PPP2R2B: variants seen among roughly 807,000 people sequenced by gnomAD.
The protein encoded by PPP2R2B is protein phosphatase 2 regulatory subunit Bbeta.
In PPP2R2B, 5 loss-of-function variants were observed where a neutral mutation model predicts 46.0. The ratio of observed to expected loss-of-function variants is 0.11; its 90% CI spans 0.06 to 0.23. The LOEUF is 0.23. PPP2R2B is among the 10% of genes least tolerant of loss of function. The pLI is 1.00. For missense variants in PPP2R2B, 367 were observed against 575.0 expected, an observed-to-expected ratio of 0.64 and a Z score of 3.70; for synonymous variants, 215 against 206.7, an observed-to-expected ratio of 1.04 and a Z score of -0.34.
intron 7 of PPP2R2B, among the ~76,000 whole-genome samples, chr5:146,634,178 T>G (rs1164949919): frequency 6.6e-6 from 1 of 152,062 alleles, no homozygotes; most frequent in African/African-American, 2.4e-5. Context: ...ATCTCATCAG[T>G]TGAAGGCCTG....
intron 1 of PPP2R2B, among the ~76,000 whole-genome samples, chr5:146,990,221 G>C (rs1469240172): frequency 6.6e-6 from 1 of 151,566 alleles, no homozygotes; most frequent in Non-Finnish European, 1.5e-5. Flanking sequence ...CTCATAAATA[G>C]AAAAACAATC....
At chr5:146,677,967 G>C (rs964335844) in intron 5 of PPP2R2B, among the ~76,000 whole-genome samples, 8 of 152,180 alleles carry the variant, frequency 5.3e-5, no homozygotes, top group Admixed American at 4.6e-4. Context: ...TGTTAGGTTA[G>C]ACAGAAGGAA....
chr5:146,649,776 G>A lies in PPP2R2B; in HGVS notation c.625+771C>T, dbSNP rs76034893. Among the ~76,000 whole-genome samples the A allele has an allele frequency of 7.9e-4, 121 of 152,234 alleles. No individual in the cohort carries two copies. The East Asian group carries it at 0.023, about 29-fold the overall frequency. ...ACTTTTCTATATTTTAATTAAACAG[G>A]AGATAATGATACTTACATTATGGGG... On this transcript the variant is annotated intron_variant, in intron 6 of 9. Transcript: ENST00000394411.
At position 146,589,174 on chromosome 5, in the gene PPP2R2B, A is replaced by AGAG. The variant is rs1317842724; in HGVS notation, c.*770_*772dup. 1.0e-4 allele frequency: 16 copies of AGAG among 152,422 alleles called. No individual in the cohort carries two copies. The highest frequency in any genetic ancestry group is 3.8e-4 in the African/African-American group (16 of 41,586). The allele number at this position is 152,422 out of a possible 1,614,324, so 9.4% of individuals were successfully genotyped here. ...GAGCCATTTAAGAGCACAAAAAGCAAGAGTAACAAGGCAGCAGATGGAATT... is the reference window on the plus strand; with the variant it reads ...GAGCCATTTAAGAGCACAAAAAGCAAGAGGAGTAACAAGGCAGCAGATGGAATT... On this transcript the variant is annotated 3_prime_UTR_variant, in exon 10 of 10. Transcript: ENST00000394411.
chr5:146,965,586 C>T (rs552372813), intron 1 of PPP2R2B, among the ~76,000 whole-genome samples: 1 of 152,278 alleles, frequency 6.6e-6, no homozygotes, highest in African/African-American at 2.4e-5. Context: ...CTGCTATATG[C>T]CTGCCCTGTC....
In PPP2R2B at chr5:146,974,768, C is replaced by T. The variant is rs548680963; in HGVS notation, c.79+80897G>A. The stretch of plus-strand genomic sequence containing the variant: ...GCAGTGTAGCAATCTCAGCTCACTG[C>T]AAGCTCCGCCTACGGGTTCACGCCA... On this transcript the variant is annotated intron_variant, in intron 1 of 8. Coordinates refer to the PPP2R2B transcript ENST00000336640. Among the ~76,000 whole-genome samples, 15 of 150,194 alleles carry T rather than the reference C, an allele frequency of 1.0e-4. No homozygotes were observed. The South Asian group carries it at 2.9e-3, about 30-fold the overall frequency.
chr5:146,916,844 A>G (rs971779432), intron 1 of PPP2R2B, among the ~76,000 whole-genome samples: 2 of 152,226 alleles, frequency 1.3e-5, no homozygotes, highest in South Asian at 2.1e-4. Context: ...ACCAGTTTGC[A>G]TATCATGGCA....
intron 1 of PPP2R2B, among the ~76,000 whole-genome samples, chr5:146,983,176 ATTTTTTTTTTT>A (rs745692719): frequency 2.5e-5 from 2 of 80,856 alleles, no homozygotes; most frequent in African/African-American, 9.8e-5. Flanking sequence ...TTTCCAGAGC[ATTTTTTTTTTT>A]TTTTTTTTTT....
intron 2 of PPP2R2B, among the ~76,000 whole-genome samples, chr5:146,745,028 T>C (rs1753088441): frequency 2.6e-5 from 4 of 152,024 alleles, no homozygotes; most frequent in Admixed American, 2.6e-4. Flanking sequence ...AATGGGAAAA[T>C]AGATAATTGA....
intron 2 of PPP2R2B, among the ~76,000 whole-genome samples, chr5:146,873,151 G>A (rs1038136573): frequency 2.0e-5 from 3 of 152,070 alleles, no homozygotes; most frequent in Non-Finnish European, 2.9e-5. Flanking sequence ...CCATTTTCAT[G>A]GCAAAATTCT....
chr5:146,732,954 G>T (rs1242257937), intron 2 of PPP2R2B, among the ~76,000 whole-genome samples: 1 of 152,180 alleles, frequency 6.6e-6, no homozygotes, highest in African/African-American at 2.4e-5. Flanking sequence ...CTTCAGCAAA[G>T]TTGTGTTGAA....
intron 1 of PPP2R2B, among the ~76,000 whole-genome samples, chr5:147,009,757 T>C (rs1754622646): frequency 1.3e-5 from 2 of 151,984 alleles, no homozygotes; most frequent in South Asian, 2.1e-4. Context: ...TACATAGACA[T>C]GGCTACAAAT....
intron 2 of PPP2R2B, among the ~76,000 whole-genome samples, chr5:146,774,913 C>G (rs1440408527): frequency 1.3e-5 from 2 of 151,174 alleles, no homozygotes; most frequent in Non-Finnish European, 2.9e-5. Flanking sequence ...CCTAGAAACA[C>G]AGACATTACC....
chr5:146,808,877 G>A (rs906195818), intron 2 of PPP2R2B, among the ~76,000 whole-genome samples: 3 of 152,084 alleles, frequency 2.0e-5, no homozygotes, highest in Admixed American at 1.3e-4. Context: ...AGGACAGACC[G>A]TCTGCAGGTT....
chr5:146,618,727 AC>A (rs1464327382), intron 7 of PPP2R2B, among the ~76,000 whole-genome samples: 1 of 152,090 alleles, frequency 6.6e-6, no homozygotes, highest in Non-Finnish European at 1.5e-5. Context: ...GAGCTGGTGA[AC>A]CCCAGCTCAG....
At chr5:147,024,296 C>G (rs1418946264) in intron 1 of PPP2R2B, among the ~76,000 whole-genome samples, 1 of 151,740 alleles carries the variant, frequency 6.6e-6, no homozygotes, top group East Asian at 1.9e-4. Flanking sequence ...GCAGATTGGC[C>G]CTATAAAACA....
At position 146,956,603 on chromosome 5, in the gene PPP2R2B, C is replaced by T. The variant is rs1311035157; in HGVS notation, c.79+99062G>A. On this transcript the variant is annotated intron_variant, in intron 1 of 8. Coordinates refer to the PPP2R2B transcript ENST00000336640. ...GTCTCCCCATGCCAAACACACAGAC[C>T]AGTCCATAGACTTGAGATTATAGCT... 2.0e-5 allele frequency among the ~76,000 whole-genome samples: 3 copies of T among 152,188 alleles called. No individual in the cohort carries two copies. The East Asian group carries it at 5.8e-4, about 29-fold the overall frequency.
At chr5:147,036,196 G>C (rs371912584) in intron 1 of PPP2R2B, among the ~76,000 whole-genome samples, 70 of 152,220 alleles carry the variant, frequency 4.6e-4, no homozygotes, top group Middle Eastern at 3.4e-3. Context: ...ACCCCAGTGT[G>C]TGTTGTTCCC....
At chr5:147,048,742 A>G (rs942751808) in intron 1 of PPP2R2B, among the ~76,000 whole-genome samples, 22 of 152,104 alleles carry the variant, frequency 1.4e-4, no homozygotes, top group Admixed American at 3.3e-4. Flanking sequence ...TGAGATTGGA[A>G]CTCAGGTTTG....
Sources: allele counts gnomAD v4.1 joint callset (sites outside exome capture counted in the v4.1 genomes callset), GRCh38; gene constraint gnomAD v4.1.1; transcripts MANE v1.5; gene names NCBI Gene and HGNC (gene_info 2026-07-23, HGNC 2026-07-21).